EDN2: variants seen among roughly 807,000 people sequenced by gnomAD.
EDN2 encodes the protein endothelin 2, also known as endothelin-2.
EDN2 carries 10 observed loss-of-function variants against 19.9 expected under a neutral mutation model. That is an observed-to-expected ratio of 0.50 (90% CI 0.31 to 0.85). The LOEUF (loss-of-function observed/expected upper bound fraction) is 0.85. Ranked by LOEUF, EDN2 falls within the 40% of genes least tolerant of loss-of-function variation. The pLI, the probability that EDN2 is intolerant of heterozygous loss-of-function variation, is 0.05. For missense variants in EDN2, 222 were observed against 239.3 expected (o/e 0.93, Z 0.48); for synonymous variants, 84 against 94.9 (o/e 0.89, Z 0.67).
Position 41,479,362 on chromosome 1 carries a change from C to T in EDN2, c.*47G>A. 6.6e-7 allele frequency: 1 copy of T among 1,516,904 alleles called. No homozygotes were observed. The highest frequency in any genetic ancestry group is 9.2e-7 in the Non-Finnish European group (1 of 1,092,544). The allele number at this position is 1,516,904 out of a possible 1,614,324, so 94.0% of individuals were successfully genotyped here. ...ACAAGCCCTGGCCACTTCTCTCCTC[C>T]TCTCTCCCCGCGGGCTTCCTTCCCA... On this transcript the variant is annotated 3_prime_UTR_variant, in exon 5 of 5. Transcript: ENST00000372587.
In EDN2 at chr1:41,481,107, A is replaced by G; in HGVS notation, c.431T>C (p.Leu144Pro). 6.2e-7 allele frequency: 1 copy of G among 1,613,980 alleles called. No individual in the cohort carries two copies. Among genetic ancestry groups the G allele is most frequent in the Non-Finnish European group, 8.5e-7 (1 of 1,179,906 alleles). ...GKTGATTGEL[L>P]QRLRDISTVK... ...CCCACGCCCTCACCTCAGCCTTTGGAGAAGCTCTCCTGTAGTGGCCCCTGT... is the reference window on the plus strand; with the variant it reads ...CCCACGCCCTCACCTCAGCCTTTGGGGAAGCTCTCCTGTAGTGGCCCCTGT... Residue 144 changes from leucine to proline, a missense_variant, in exon 4 of 5, where the codon CTC becomes CCC. Physicochemically the swap from Leu to Pro is moderately conservative, Grantham distance 98 (BLOSUM62 -3). Coordinates refer to ENST00000372587, the MANE Select transcript of EDN2 (RefSeq NM_001956.5).
Position 41,479,106 on chromosome 1 carries a change from C to T in EDN2, c.*303G>A, listed in dbSNP as rs950675844. 8.9e-6 allele frequency: 4 copies of T among 451,670 alleles called. No individual in the cohort carries two copies. The highest frequency in any genetic ancestry group is 2.0e-5 in the South Asian group (1 of 51,088). 28.0% of individuals were successfully genotyped at this position (451,670 alleles called of 1,614,324 possible). ...AGCAGACAGGACACTCCTCAGGACG[C>T]AGCCTCCAGATGAATGTACTCCCCA... is the stretch of plus-strand genomic sequence containing the variant. On this transcript the variant is annotated 3_prime_UTR_variant, in exon 5 of 5. Transcript: ENST00000372587.
intron 3 of EDN2, 87 bp downstream of exon 3, chr1:41,482,379 C>G: frequency 7.1e-7 from 1 of 1,413,992 alleles, no homozygotes; most frequent in Non-Finnish European, 9.2e-7. Context: ...CAGTTCGCTC[C>G]TCTGCTAGTC....
chr1:41,484,103 G>A lies in EDN2; in HGVS notation c.165C>T (p.Leu55=), dbSNP rs148186717. The A allele has an allele frequency of 3.7e-6, 6 of 1,613,540 alleles. No individual in the cohort carries two copies. Among genetic ancestry groups the A allele is most frequent in the East Asian group, 2.2e-5 (1 of 44,874 alleles). Reference sequence around the variant, plus strand: ...GGCAGAAGTAGACGCACTCCTTGTCGAGCCAGGAGCTGCAGGAGCAACGGC... The same window carrying A: ...GGCAGAAGTAGACGCACTCCTTGTCAAGCCAGGAGCTGCAGGAGCAACGGC... ...RLRRCSCSSW[L]DKECVYFCHL... is the part of the protein sequence containing the mutation. Residue 55 remains leucine (L), a synonymous_variant, in exon 2 of 5, where the codon CTC becomes CTT. Transcript: ENST00000372587.
Position 41,482,461 on chromosome 1 carries a change from C to A in EDN2, c.344+5G>T. On this transcript the variant is annotated splice_donor_5th_base_variant and intron_variant, in intron 3 of 4. Coordinates refer to ENST00000372587, the MANE Select transcript of EDN2 (RefSeq NM_001956.5). Reference sequence around the variant, plus strand: ...TATGCCCCTGCAGGCTGGGTGCCCACCTACCAGGGCCTTCGAAGGCAGAAG... The same window carrying A: ...TATGCCCCTGCAGGCTGGGTGCCCAACTACCAGGGCCTTCGAAGGCAGAAG... 1 of 1,597,618 alleles carries A rather than the reference C, an allele frequency of 6.3e-7. No homozygotes were observed. The highest frequency in any genetic ancestry group is 2.4e-5 in the East Asian group (1 of 42,516).
Position 41,479,300 on chromosome 1 carries a change from GACC to G in EDN2, c.*106_*108del. The G allele has an allele frequency of 1.0e-6, 1 of 982,440 alleles. No homozygotes were observed. The allele number at this position is 982,440 out of a possible 1,614,324, so 60.9% of individuals were successfully genotyped here. A position where few individuals can be genotyped will look rare whatever the true frequency, so the allele number is the denominator to read the frequency against. On this transcript the variant is annotated 3_prime_UTR_variant, in exon 5 of 5. Transcript: ENST00000372587. ...CTGGCAAATGGGTCCAGCTGTCTGG[GACC>G]AAGGCCCCGGTCCAGGAAGCAGGCA...
intron 4 of EDN2, chr1:41,480,731 G>C (rs1295856258): frequency 2.1e-6 from 1 of 481,692 alleles, no homozygotes; most frequent in Non-Finnish European, 4.1e-6. Context: ...ATGCAATCTG[G>C]GCAGCAGAGA....
Position 41,479,400 on chromosome 1 carries a change from C to T in EDN2, c.*9G>A, listed in dbSNP as rs781103606. ...GGCTTCCTTCCCAATGTTCCTCCAG[C>T]TCACGACACTATCTCTTCCTCCACC... On this transcript the variant is annotated 3_prime_UTR_variant, in exon 5 of 5. Transcript: ENST00000372587. 38 of 1,611,934 alleles carry T rather than the reference C, an allele frequency of 2.4e-5. No homozygotes were observed. The highest frequency in any genetic ancestry group is 3.1e-5 in the Non-Finnish European group (36 of 1,178,088).
chr1:41,482,271 G>T (rs1297413345), intron 3 of EDN2, among the ~76,000 whole-genome samples, 195 bp downstream of exon 3: 1 of 152,242 alleles, frequency 6.6e-6, no homozygotes, highest in Non-Finnish European at 1.5e-5. Flanking sequence ...CTGGGCACCG[G>T]GAGGCCCCCA....
rs922376128 is a variant in EDN2 at position 41,484,538 on chromosome 1, C to A, written c.64G>T (p.Gly22Trp). The A allele has an allele frequency of 4.5e-6, 7 of 1,554,216 alleles. No individual in the cohort carries two copies. The highest frequency in any genetic ancestry group is 6.1e-6 in the Non-Finnish European group (7 of 1,148,716). Residue 22 changes from glycine to tryptophan, a missense_variant and splice_region_variant, in exon 1 of 5, where the codon GGG (glycine) becomes TGG (tryptophan). By Grantham distance (184) the Gly-to-Trp change is radical. Coordinates refer to ENST00000372587, the MANE Select transcript of EDN2 (RefSeq NM_001956.5). ...AGCAGGTGAGGCCAGGGCAGCTCAC[C>A]TTCATGCAGGGCCACGAGCAGGGCT... ...ALALLVALHE[G>W]KGQAAATLEQ...
rs11572360 is a variant in EDN2, at chr1:41,481,932, GA to G, written c.344+533del. ...AAGCCTCCCACCACTTTACAGATGG[GA>G]AAACTTAGGCTCAGGTAAGATAGGA... On this transcript the variant is annotated intron_variant, in intron 3 of 4. Coordinates refer to ENST00000372587, the MANE Select transcript of EDN2 (RefSeq NM_001956.5). Among the ~76,000 whole-genome samples the G allele has an allele frequency of 4.6e-5, 7 of 152,314 alleles. No individual in the cohort carries two copies. In the South Asian group the frequency reaches 1.2e-3, roughly 27 times the overall value.
chr1:41,480,839 T>C (rs1644241452), intron 4 of EDN2: 2 of 646,904 alleles, frequency 3.1e-6, no homozygotes, highest in Non-Finnish European at 5.7e-6. Flanking sequence ...TTCCCAGTCA[T>C]GAGCCTTCAA....
chr1:41,480,950 A>T, intron 4 of EDN2, 145 bp downstream of exon 4: 2 of 687,984 alleles, frequency 2.9e-6, no homozygotes, highest in South Asian at 3.5e-5. Flanking sequence ...CTGCTGTGTG[A>T]CTTTGGGCAA....
intron 3 of EDN2, among the ~76,000 whole-genome samples, chr1:41,482,106 G>A (rs1440170375): frequency 2.6e-5 from 4 of 152,244 alleles, no homozygotes; most frequent in Non-Finnish European, 2.9e-5. Flanking sequence ...GACTCGATCA[G>A]ACAGACTCAG....
At chr1:41,481,465 T>C (rs1644246853) in intron 3 of EDN2, among the ~76,000 whole-genome samples, 1 of 152,036 alleles carries the variant, frequency 6.6e-6, no homozygotes, top group Admixed American at 6.5e-5. Flanking sequence ...CAGGGGAAAC[T>C]GAGGCAGGGG....
In EDN2 at chr1:41,481,055, C is replaced by G. The variant is rs747827601; in HGVS notation, c.443+40G>C. On this transcript the variant is annotated intron_variant, in intron 4 of 4. Coordinates refer to ENST00000372587, the MANE Select transcript of EDN2 (RefSeq NM_001956.5). The stretch of plus-strand genomic sequence containing the variant: ...AAATATGGGAAATGTGCAAGGCATA[C>G]AGGAGGTGCTCAGTCTGTGCATGTG... 13 of 1,500,474 alleles carry G rather than the reference C, an allele frequency of 8.7e-6. No homozygotes were observed. The South Asian group carries it at 1.5e-4, about 17-fold the overall frequency. The allele number at this position is 1,500,474 out of a possible 1,614,324, so 92.9% of individuals were successfully genotyped here. A position where few individuals can be genotyped will look rare whatever the true frequency, so the allele number is the denominator to read the frequency against.
Position 41,482,528 on chromosome 1 carries a change from C to A in EDN2, c.282G>T (p.Arg94Ser), listed in dbSNP as rs1557998262. The stretch of plus-strand genomic sequence containing the variant: ...CCCTGGCACTGGAGCACTGACAGCG[C>A]CTTGGCAGGGAGCGGCGCCGGCGTC... ...PPRRRRRSLP[R>S]RCQCSSARDP... is the part of the protein sequence containing the mutation. Residue 94 changes from arginine to serine, a missense_variant, in exon 3 of 5, where the codon AGG (arginine) becomes AGT (serine). Arg to Ser is a moderately radical substitution (Grantham distance 110). Coordinates refer to ENST00000372587, the MANE Select transcript of EDN2 (RefSeq NM_001956.5). 6.3e-7 allele frequency: 1 copy of A among 1,594,046 alleles called. No homozygotes were observed. The highest frequency in any genetic ancestry group is 2.4e-5 in the East Asian group (1 of 42,462).
intron 3 of EDN2, among the ~76,000 whole-genome samples, chr1:41,481,613 C>T (rs1318805679): frequency 4.0e-5 from 6 of 151,198 alleles, no homozygotes; most frequent in African/African-American, 1.5e-4. Flanking sequence ...GATCTCGGCT[C>T]ACTGCAGCAT....
chr1:41,484,072 C>T lies in EDN2; in HGVS notation c.196G>A (p.Asp66Asn). Residue 66 changes from aspartate to asparagine, a missense_variant, in exon 2 of 5, where the codon GAC becomes AAC. Asp to Asn is a conservative substitution (Grantham distance 23). Coordinates refer to ENST00000372587, the MANE Select transcript of EDN2 (RefSeq NM_001956.5). ...DKECVYFCHL[D>N]IIWVNTPEQT... ...TCAGGAGTGTTCACCCAGATGATGT[C>T]CAAGTGGCAGAAGTAGACGCACTCC... The T allele has an allele frequency of 1.2e-6, 2 of 1,611,678 alleles. No homozygotes were observed. The highest frequency in any genetic ancestry group is 1.7e-6 in the Non-Finnish European group (2 of 1,179,032).
Sources: gnomAD v4.1 joint callset for allele counts (sites outside exome capture counted in the v4.1 genomes callset) on GRCh38, gnomAD v4.1.1 for gene constraint, MANE v1.5 for transcripts, NCBI Gene and HGNC (gene_info 2026-07-23, HGNC 2026-07-21) for gene names.